CFAP47: variants seen among roughly 807,000 people sequenced by gnomAD.
CFAP47 encodes the protein cilia and flagella associated protein 47, also known as cilia- and flagella-associated protein 47.
In CFAP47, 29 loss-of-function variants were observed where a neutral mutation model predicts 148.1. The ratio of observed to expected loss-of-function variants is 0.20; its 90% CI spans 0.15 to 0.27. The LOEUF is 0.27. CFAP47 is among the 10% of genes least tolerant of loss of function. CFAP47 has a pLI of 1.00. For missense variants in CFAP47, 1,872 were observed against 1,697.5 expected, an observed-to-expected ratio of 1.10 and a Z score of -1.81; for synonymous variants, 664 against 577.3, an observed-to-expected ratio of 1.15 and a Z score of -2.15.
At chrX:36,216,496 A>G (rs1453650561) in intron 45 of CFAP47, among the ~76,000 whole-genome samples, 1 of 111,244 alleles carries the variant, frequency 9.0e-6, no homozygotes, top group Non-Finnish European at 1.9e-5. Context: ...TAACCACCCA[A>G]TGGGTTCTCC....
chrX:36,316,515 C>A (rs1415455294), intron 56 of CFAP47, among the ~76,000 whole-genome samples: 1 of 111,685 alleles, frequency 9.0e-6, no homozygotes, highest in Non-Finnish European at 1.9e-5. Context: ...CTCTTTTGAG[C>A]AATTGTCTGG....
At chrX:36,092,517 G>A in intron 30 of CFAP47, among the ~76,000 whole-genome samples, 1 of 111,191 alleles carries the variant, frequency 9.0e-6, no homozygotes. Context: ...CTGATTATAG[G>A]TCTAAGTAAG....
intron 10 of CFAP47, among the ~76,000 whole-genome samples, chrX:35,968,309 A>G (rs1044283171): frequency 2.0e-4 from 22 of 110,964 alleles, no homozygotes; most frequent in African/African-American, 7.2e-4. Flanking sequence ...TCAAAGGCAC[A>G]TTTTTAATAA....
At chrX:36,374,698 C>T in intron 62 of CFAP47, 1 of 357,692 alleles carries the variant, frequency 2.8e-6, no homozygotes, top group Non-Finnish European at 4.9e-6. Flanking sequence ...TTGCTGCATC[C>T]CATTAAGTTT....
intron 39 of CFAP47, among the ~76,000 whole-genome samples, chrX:36,169,518 C>CT (rs1939539287): frequency 1.8e-5 from 2 of 110,995 alleles, no homozygotes; most frequent in South Asian, 7.6e-4. Flanking sequence ...TGCACTGCTT[C>CT]TTTTTTTCTT....
intron 10 of CFAP47, among the ~76,000 whole-genome samples, chrX:35,968,813 C>T (rs941261053): frequency 2.7e-5 from 3 of 110,793 alleles, no homozygotes; most frequent in Non-Finnish European, 5.7e-5. Context: ...AAAAACCACT[C>T]AGACTCCATT....
intron 6 of CFAP47, 75 bp from the exon 7 acceptor site, chrX:35,953,517 T>C (rs768576252): frequency 8.3e-5 from 63 of 757,864 alleles, no homozygotes; most frequent in Non-Finnish European, 1.2e-4. Flanking sequence ...AAAGATTGGA[T>C]TGATATTTCC....
chrX:36,166,294 A>AT (rs1179703283), intron 39 of CFAP47, among the ~76,000 whole-genome samples: 2 of 108,429 alleles, frequency 1.8e-5, no homozygotes, highest in Non-Finnish European at 3.8e-5. Context: ...ACTTTTCTTC[A>AT]TTTTTTTCTC....
At position 36,385,281 on chromosome X, in the gene CFAP47, A is replaced by G. The variant is rs1942118590; in HGVS notation, c.*275A>G. 4.0e-6 allele frequency: 1 copy of G among 248,886 alleles called. No homozygotes were observed. Among genetic ancestry groups the G allele is most frequent in the Non-Finnish European group, 7.1e-6 (1 of 141,133 alleles). The allele number at this position is 248,886 out of a possible 1,213,427, so 20.5% of individuals were successfully genotyped here. On this transcript the variant is annotated 3_prime_UTR_variant, in exon 64 of 64. Transcript: ENST00000378653. Reference sequence around the variant, plus strand: ...AATTTAAATGACAACAGTATTTCCAATAACAGCGTTGCTAATAAAGCTAAA... The same window carrying G: ...AATTTAAATGACAACAGTATTTCCAGTAACAGCGTTGCTAATAAAGCTAAA...
intron 8 of CFAP47, among the ~76,000 whole-genome samples, chrX:35,958,279 A>G (rs1936274822): frequency 9.0e-6 from 1 of 111,684 alleles, no homozygotes; most frequent in South Asian, 3.7e-4. Context: ...CCGGTCATCA[A>G]TTGAGGGACA....
chrX:36,305,290 T>C (rs1602100870), intron 54 of CFAP47, among the ~76,000 whole-genome samples: 1 of 111,953 alleles, frequency 8.9e-6, no homozygotes, highest in South Asian at 3.7e-4. Context: ...ATAAATTATA[T>C]GAAGTCTGAT....
At position 36,184,235 on chromosome X, in the gene CFAP47, C is replaced by A. The variant is rs185960734; in HGVS notation, c.6105-4385C>A. Among the ~76,000 whole-genome samples the A allele has an allele frequency of 3.9e-4, 43 of 111,619 alleles. No homozygotes were observed. The East Asian group carries it at 0.011, about 29-fold the overall frequency. ...TTTAAAAAAAGTATTTTGGTATTTT[C>A]TCTTATTATAAACAAATTGTGACCT... On this transcript the variant is annotated intron_variant, in intron 40 of 63. Coordinates refer to ENST00000378653, the MANE Select transcript of CFAP47 (RefSeq NM_001304548.2).
At chrX:36,163,885 C>T (rs1939459393) in intron 39 of CFAP47, among the ~76,000 whole-genome samples, 1 of 112,021 alleles carries the variant, frequency 8.9e-6, no homozygotes. Flanking sequence ...GCTGGAATTA[C>T]AGGCATGAGC....
At chrX:36,143,995 T>G (rs1939188119) in intron 35 of CFAP47, among the ~76,000 whole-genome samples, 1 of 111,701 alleles carries the variant, frequency 9.0e-6, no homozygotes, top group African/African-American at 3.3e-5. Flanking sequence ...AATTGTCCCA[T>G]CTTTTCTTAT....
chrX:36,200,498 A>G lies in CFAP47; in HGVS notation c.6436+5A>G, dbSNP rs1323916360. The G allele has an allele frequency of 3.4e-6, 1 of 294,653 alleles. No homozygotes were observed. Among genetic ancestry groups the G allele is most frequent in the Non-Finnish European group, 5.9e-6 (1 of 169,194 alleles). 24.3% of individuals were successfully genotyped at this position (294,653 alleles called of 1,213,427 possible). ...ACAGCACTACTCGAGAAGAAGGTAG[A>G]GTACACATGTGTTTTATTTCATTTA... On this transcript the variant is annotated splice_donor_5th_base_variant and intron_variant, in intron 43 of 63. Coordinates refer to ENST00000378653, the MANE Select transcript of CFAP47 (RefSeq NM_001304548.2).
chrX:36,289,874 T>C (rs1941176027), intron 51 of CFAP47, among the ~76,000 whole-genome samples: 1 of 111,688 alleles, frequency 9.0e-6, no homozygotes, highest in African/African-American at 3.3e-5. Flanking sequence ...TAGAGTTAAA[T>C]TGTCAACTGT....
intron 30 of CFAP47, among the ~76,000 whole-genome samples, chrX:36,090,443 T>A (rs771255616): frequency 1.8e-5 from 2 of 112,117 alleles, no homozygotes; most frequent in Admixed American, 1.9e-4. Context: ...GTTGTGTTAT[T>A]CTTGTAGAAT....
chrX:36,233,626 T>A (rs1940404915), intron 46 of CFAP47, among the ~76,000 whole-genome samples: 1 of 111,850 alleles, frequency 8.9e-6, no homozygotes, highest in South Asian at 3.7e-4. Flanking sequence ...TTAAGGTTAA[T>A]ATTGTTATGT....
At position 36,089,780 on chromosome X, in the gene CFAP47, A is replaced by G. The variant is rs5973572; in HGVS notation, c.4916+4242A>G. ...AATCTCTACAACAAACCCCCGTGAT[A>G]CAAGTTTGCCTATATAACAAACCTG... is the stretch of plus-strand genomic sequence containing the variant. On this transcript the variant is annotated intron_variant, in intron 30 of 63. Transcript: ENST00000378653. Among the ~76,000 whole-genome samples the G allele has an allele frequency of 9.5e-3, 1,063 of 112,156 alleles. 13 individuals are homozygous for G. The highest frequency in any genetic ancestry group is 0.032 in the African/African-American group (993 of 30,931).
Sources: allele counts gnomAD v4.1 joint callset (sites outside exome capture counted in the v4.1 genomes callset), GRCh38; gene constraint gnomAD v4.1.1; transcripts MANE v1.5; gene names NCBI Gene and HGNC (gene_info 2026-07-23, HGNC 2026-07-21).